Variants in ASH1L observed in about 807,000 individuals in gnomAD.
ASH1L encodes histone-lysine N-methyltransferase ASH1L.
A neutral mutation model predicts 269.0 loss-of-function variants in ASH1L; 23 were observed. The observed-to-expected ratio is 0.09, with a 90% CI of 0.06 to 0.12. The LOEUF (loss-of-function observed/expected upper bound fraction) is 0.12. ASH1L is among the 10% of genes least tolerant of loss of function. The pLI is 1.00. For synonymous variants in ASH1L, 1,187 were observed against 1,253.5 expected (o/e 0.95, Z 1.12); for missense variants, 2,912 against 3,567.8 (o/e 0.82, Z 4.68).
intron 1 of ASH1L, among the ~76,000 whole-genome samples, chr1:155,526,617 T>C (rs1222982443): frequency 6.6e-6 from 1 of 152,198 alleles, no homozygotes; most frequent in African/African-American, 2.4e-5. Context: ...ATCTCCCCTT[T>C]CTTCATTGTC....
intron 7 of ASH1L, among the ~76,000 whole-genome samples, chr1:155,382,032 G>A (rs1200662734): frequency 6.7e-6 from 1 of 149,844 alleles, no homozygotes; most frequent in Non-Finnish European, 1.5e-5. Context: ...CATGGTGAAA[G>A]CCTGTCTCTG....
At chr1:155,532,983 A>AGT (rs58869936) in intron 1 of ASH1L, among the ~76,000 whole-genome samples, 5,465 of 141,780 alleles carry the variant, frequency 0.039, 368 homozygotes, top group African/African-American at 0.14. Flanking sequence ...AGAGAGAGAG[A>AGT]GTGTGTGTGT....
Position 155,343,648 on chromosome 1 carries a change from A to G in ASH1L, c.8076T>C (p.Asp2692=). Residue 2692 remains aspartate, a synonymous_variant, in exon 23 of 28, where the codon GAT becomes GAC. Coordinates refer to ENST00000392403, the MANE Select transcript of ASH1L (RefSeq NM_018489.3). This position sits in a 1 kb window ranked among gnomAD's most constrained non-coding sequence, Gnocchi z 6.1. ...SYRLLSHINR[D]KLDIFRIEKL... ...TCTCAATGCGAAAGATGTCAAGTTT[A>G]TCTCGGTTAATGTGAGATAACAGTC... 2 of 1,614,198 alleles carry G rather than the reference A, an allele frequency of 1.2e-6. No individual in the cohort carries two copies. The highest frequency in any genetic ancestry group is 1.7e-6 in the Non-Finnish European group (2 of 1,180,038).
rs763609672 is a variant in ASH1L at position 155,480,569 on chromosome 1, A to C, written c.2301T>G (p.Pro767=). The C allele has an allele frequency of 6.2e-7, 1 of 1,614,146 alleles. No individual in the cohort carries two copies. Among genetic ancestry groups the C allele is most frequent in the East Asian group, 2.2e-5 (1 of 44,880 alleles). The part of the protein sequence containing the change: ...PAKFMKNIGP[P]SFVDHDFLKR... ...TAAGGAAGTCATGATCTACAAATGA[A>C]GGGGGTCCAATGTTTTTCATAAACT... Residue 767 remains proline, a synonymous_variant, in exon 3 of 28, where the codon CCT becomes CCG. Coordinates refer to ENST00000392403, the MANE Select transcript of ASH1L (RefSeq NM_018489.3).
In ASH1L at chr1:155,371,527, G is replaced by A. The variant is rs188272159; in HGVS notation, c.6333-544C>T. 3.7e-4 allele frequency among the ~76,000 whole-genome samples: 56 copies of A among 152,116 alleles called. No individual in the cohort carries two copies. The East Asian group carries it at 9.8e-3, about 27-fold the overall frequency. ...CGCACCACTGCGCTCCAGCCTGGGC[G>A]ACAGAGTGAGACTCCGTCTCAAAAT... On this transcript the variant is annotated intron_variant, in intron 10 of 27. Transcript: ENST00000392403.
rs556054982 is a variant in ASH1L, at chr1:155,437,571, A to G, written c.5828+756T>C. Among the ~76,000 whole-genome samples the G allele has an allele frequency of 3.3e-5, 5 of 152,318 alleles. No homozygotes were observed. The East Asian group carries it at 9.6e-4, about 29-fold the overall frequency. Reference sequence around the variant, plus strand: ...AGTTCCTCAAAAAATTAAAAATAGAAATGTCACATGATCCAGCAATTCCAC... The same window carrying G: ...AGTTCCTCAAAAAATTAAAAATAGAGATGTCACATGATCCAGCAATTCCAC... On this transcript the variant is annotated intron_variant, in intron 5 of 27. Transcript: ENST00000392403.
chr1:155,397,017 C>T (rs1325414693), intron 6 of ASH1L: 2 of 149,876 alleles, frequency 1.3e-5, no homozygotes, highest in African/African-American at 4.9e-5. Flanking sequence ...CCCAGCTACT[C>T]GAGAGGCTAA....
intron 12 of ASH1L, among the ~76,000 whole-genome samples, chr1:155,366,798 A>G (rs1158146137): frequency 6.6e-6 from 1 of 150,826 alleles, no homozygotes; most frequent in Non-Finnish European, 1.5e-5. Flanking sequence ...CCCAGCCTCC[A>G]ATAGCTGGGA....
intron 13 of ASH1L, among the ~76,000 whole-genome samples, chr1:155,358,468 A>G (rs1255394125): frequency 6.6e-6 from 1 of 151,690 alleles, no homozygotes; most frequent in East Asian, 2.0e-4. Flanking sequence ...GGCGGATCAC[A>G]AGGTCAGCAG....
chr1:155,542,346 G>A (rs1335636974), intron 1 of ASH1L, among the ~76,000 whole-genome samples: 1 of 152,024 alleles, frequency 6.6e-6, no homozygotes, highest in African/African-American at 2.4e-5. Context: ...TCAGGAGATC[G>A]AGACCATCCT....
chr1:155,536,016 G>GA (rs960243316), intron 1 of ASH1L, among the ~76,000 whole-genome samples: 1 of 150,042 alleles, frequency 6.7e-6, no homozygotes, highest in African/African-American at 2.4e-5. Flanking sequence ...AAAAAAAAAA[G>GA]AAAAAAATTT....
At chr1:155,349,141 A>T (rs192556292) in intron 19 of ASH1L, among the ~76,000 whole-genome samples, 186 bp downstream of exon 19, 6 of 152,174 alleles carry the variant, frequency 3.9e-5, no homozygotes, top group Admixed American at 1.3e-4. Context: ...TAGTCCTATC[A>T]ATGTCTTCAT....
At position 155,370,791 on chromosome 1, in the gene ASH1L, A is replaced by G. The variant is rs2148415411; in HGVS notation, c.6525T>C (p.Ser2175=). The change falls in exon 11 of 28, where the codon AGT becomes AGC. Residue 2175 remains serine (S), a synonymous_variant. Coordinates refer to ENST00000392403, the MANE Select transcript of ASH1L (RefSeq NM_018489.3). ...TACCACCGTACCTGAACTCCTGTTCACTGACGACCTCCCCTAGGTATTCAA... is the reference window on the plus strand; with the variant it reads ...TACCACCGTACCTGAACTCCTGTTCGCTGACGACCTCCCCTAGGTATTCAA... The part of the protein sequence containing the change: ...FIIEYLGEVV[S]EQEFRNRMIE... 2 of 1,614,216 alleles carry G rather than the reference A, an allele frequency of 1.2e-6. No individual in the cohort carries two copies. The highest frequency in any genetic ancestry group is 1.7e-6 in the Non-Finnish European group (2 of 1,180,024).
At chr1:155,496,000 T>TA (rs1217270391) in intron 2 of ASH1L, among the ~76,000 whole-genome samples, 9 of 151,240 alleles carry the variant, frequency 6.0e-5, no homozygotes, top group Admixed American at 2.0e-4. Flanking sequence ...CTGTCTCAAT[T>TA]AAAAAAAAAT....
chr1:155,475,440 C>T (rs1289956988), intron 3 of ASH1L, among the ~76,000 whole-genome samples: 2 of 152,086 alleles, frequency 1.3e-5, no homozygotes, highest in Admixed American at 1.3e-4. Flanking sequence ...CTGGACTTCA[C>T]TGTGGCTTCT....
At position 155,481,310 on chromosome 1, in the gene ASH1L, T is replaced by C. The variant is rs748691824; in HGVS notation, c.1560A>G (p.Glu520=). The C allele has an allele frequency of 6.2e-7, 1 of 1,613,994 alleles. No individual in the cohort carries two copies. Among genetic ancestry groups the C allele is most frequent in the Non-Finnish European group, 8.5e-7 (1 of 1,179,984 alleles). Residue 520 remains glutamate, a synonymous_variant, in exon 3 of 28, where the codon GAA becomes GAG. Transcript: ENST00000392403. ...EKGSYETSKH[E]KQPPVYCTSP... ...AAGTGCAATATACAGGAGGCTGCTT[T>C]TCATGCTTTGAGGTTTCATAAGATC... is the stretch of plus-strand genomic sequence containing the variant.
At chr1:155,341,702 G>A (rs1303974673) in intron 25 of ASH1L, among the ~76,000 whole-genome samples, 2 of 152,062 alleles carry the variant, frequency 1.3e-5, no homozygotes, top group Admixed American at 6.6e-5. Context: ...TTAAACAGAC[G>A]AAAGAGAAAA....
chr1:155,438,610 T>G lies in ASH1L; in HGVS notation c.5545A>C (p.Arg1849=). The G allele has an allele frequency of 2.5e-6, 4 of 1,614,234 alleles. No homozygotes were observed. Among genetic ancestry groups the G allele is most frequent in the Non-Finnish European group, 3.4e-6 (4 of 1,180,040 alleles). ...GGACATTTCCGAGGTCGACCTGGCC[T>G]ACGTTTCACAAAGTTATTCCCTGTC... ...ARTGNNFVKR[R]PGRPRKCPLQ... The change falls in exon 5 of 28, where the codon AGG becomes CGG. Residue 1849 remains arginine (R), a synonymous_variant. Coordinates refer to ENST00000392403, the MANE Select transcript of ASH1L (RefSeq NM_018489.3).
intron 1 of ASH1L, among the ~76,000 whole-genome samples, chr1:155,560,663 A>G (rs1465029199): frequency 2.0e-5 from 3 of 152,210 alleles, no homozygotes; most frequent in Non-Finnish European, 4.4e-5. Flanking sequence ...TTGAACAGGC[A>G]GTCAACAAAT....
Sources: gnomAD v4.1 joint callset for allele counts (sites outside exome capture counted in the v4.1 genomes callset) on GRCh38, gnomAD v4.1.1 for gene constraint, Gnocchi (gnomAD v3.1) non-coding constraint, MANE v1.5 for transcripts, NCBI Gene and HGNC (gene_info 2026-07-23, HGNC 2026-07-21) for gene names.